The following PDE4D variants were observed in gnomAD, a reference collection of about 807,000 sequenced individuals.
The protein encoded by PDE4D is 3',5'-cyclic-AMP phosphodiesterase 4D.
Under a neutral mutation model 87.4 loss-of-function variants are expected in PDE4D, and 24 were observed. That is an observed-to-expected ratio of 0.27 (90% CI 0.20 to 0.39). The LOEUF is 0.39. PDE4D is among the 10% of genes least tolerant of loss of function. The pLI is 1.00. For synonymous variants in PDE4D, 384 were observed against 383.2 expected (o/e 1.00, Z -0.02); for missense variants, 714 against 1,041.0 (o/e 0.69, Z 4.32).
At chr5:59,344,055 T>G (rs979875380) in intron 1 of PDE4D, among the ~76,000 whole-genome samples, 1 of 152,184 alleles carries the variant, frequency 6.6e-6, no homozygotes, top group African/African-American at 2.4e-5. Context: ...ACACAGTACA[T>G]AGCACATAAA....
At chr5:59,216,104 A>G in intron 1 of PDE4D, 136 bp from the exon 2 acceptor site, 1 of 625,916 alleles carries the variant, frequency 1.6e-6, no homozygotes, top group Non-Finnish European at 2.8e-6. Context: ...CTGCCATAAA[A>G]ATATGATAAT....
At chr5:59,658,341 G>C (rs1744706708) in intron 1 of PDE4D, among the ~76,000 whole-genome samples, 1 of 151,796 alleles carries the variant, frequency 6.6e-6, no homozygotes, top group Non-Finnish European at 1.5e-5. Context: ...CTCAAGTCTG[G>C]AAACTCTATT....
intron 1 of PDE4D, among the ~76,000 whole-genome samples, chr5:59,794,946 G>T (rs912622183): frequency 6.6e-6 from 1 of 152,144 alleles, no homozygotes; most frequent in Non-Finnish European, 1.5e-5. Context: ...GAGAGAAGCT[G>T]CCTGAGTTCA....
chr5:59,859,933 A>G (rs866349444), intron 1 of PDE4D, among the ~76,000 whole-genome samples: 3 of 152,184 alleles, frequency 2.0e-5, no homozygotes, highest in South Asian at 4.1e-4. Context: ...GTGTGCAGGG[A>G]TTGTAGTTGG....
chr5:59,276,222 G>T, intron 1 of PDE4D: 1 of 785,340 alleles, frequency 1.3e-6, no homozygotes, highest in Non-Finnish European at 1.5e-6. Flanking sequence ...CCAGAGACCA[G>T]CACTGTAAAC....
At chr5:59,284,374 G>A (rs1766454453) in intron 1 of PDE4D, among the ~76,000 whole-genome samples, 1 of 152,026 alleles carries the variant, frequency 6.6e-6, no homozygotes, top group Non-Finnish European at 1.5e-5. Context: ...TAGAAACCTG[G>A]GCCTCCATAA....
Position 60,337,351 on chromosome 5 carries a change from CTATATATATATATATATATATA to C in PDE4D, c.-90+150569_-90+150590del, listed in dbSNP as rs748923956. Among the ~76,000 whole-genome samples the C allele has an allele frequency of 5.9e-4, 37 of 62,230 alleles. 4 individuals are homozygous for C. In the Admixed American group the frequency reaches 7.2e-3, roughly 12 times the overall value. The allele number at this position is 62,230 out of a possible 152,430, so 40.8% of individuals were successfully genotyped here. ...TTGTCTCAAAAAACAAACAAACAAA[CTATATATATATATATATATATA>C]TATATATATATATATACACACACAC... On this transcript the variant is annotated intron_variant, in intron 1 of 16. Transcript: ENST00000502484.
intron 1 of PDE4D, among the ~76,000 whole-genome samples, chr5:59,236,828 AG>A (rs1391031089): frequency 6.6e-6 from 1 of 152,156 alleles, no homozygotes; most frequent in African/African-American, 2.4e-5. Context: ...AAAGAAAGGC[AG>A]GAAGAAAGGA....
intron 1 of PDE4D, among the ~76,000 whole-genome samples, chr5:60,291,610 C>T (rs940543370): frequency 6.6e-6 from 1 of 151,628 alleles, no homozygotes; most frequent in Non-Finnish European, 1.5e-5. Context: ...CCTGAAAAGA[C>T]AGGTTTTTAA....
intron 2 of PDE4D, among the ~76,000 whole-genome samples, chr5:60,093,045 TTGAA>T (rs1317357218): frequency 6.6e-6 from 1 of 150,902 alleles, no homozygotes; most frequent in Non-Finnish European, 1.5e-5. Flanking sequence ...ATCTGATAGA[TTGAA>T]TGTGTCCCAG....
intron 2 of PDE4D, among the ~76,000 whole-genome samples, chr5:60,098,160 A>G (rs1017648566): frequency 6.6e-6 from 1 of 151,944 alleles, no homozygotes; most frequent in Non-Finnish European, 1.5e-5. Context: ...AACTGTCAAC[A>G]CACAGCCTGG....
At chr5:59,787,259 G>A (rs913731918) in intron 1 of PDE4D, among the ~76,000 whole-genome samples, 6 of 152,160 alleles carry the variant, frequency 3.9e-5, no homozygotes, top group African/African-American at 9.7e-5. Context: ...CTGTAACTTC[G>A]TCTCAGGGGA....
chr5:59,998,923 G>A (rs892651947), intron 2 of PDE4D, among the ~76,000 whole-genome samples: 3 of 152,094 alleles, frequency 2.0e-5, no homozygotes, highest in African/African-American at 7.2e-5. Flanking sequence ...GACTATGTAC[G>A]TGTGAGATGA....
Position 59,975,051 on chromosome 5 carries a change from A to G in PDE4D, c.272+13437T>C, listed in dbSNP as rs1462245245. On this transcript the variant is annotated intron_variant, in intron 3 of 16. Coordinates refer to the PDE4D transcript ENST00000502484. ...AGATGAAATGGGTGCTCTCCTGGTT[A>G]CTCACTTTTACTTACTCCTCCACCT... is the stretch of plus-strand genomic sequence containing the variant. Among the ~76,000 whole-genome samples the G allele has an allele frequency of 5.3e-5, 8 of 152,050 alleles. No individual in the cohort carries two copies. The East Asian group carries it at 1.5e-3, about 29-fold the overall frequency.
At chr5:60,408,093 A>G (rs1279291606) in intron 1 of PDE4D, among the ~76,000 whole-genome samples, 1 of 152,144 alleles carries the variant, frequency 6.6e-6, no homozygotes, top group Non-Finnish European at 1.5e-5. Context: ...CCTGATCACC[A>G]GACATGTGAG....
intron 1 of PDE4D, among the ~76,000 whole-genome samples, chr5:59,865,422 T>C (rs1240269845): frequency 6.6e-6 from 1 of 152,186 alleles, no homozygotes. Context: ...ACTGATTAAC[T>C]GAAAAACAGA....
chr5:59,667,238 TG>T (rs1458078219), intron 1 of PDE4D, among the ~76,000 whole-genome samples: 1 of 152,152 alleles, frequency 6.6e-6, no homozygotes, highest in African/African-American at 2.4e-5. Context: ...AATTTTTTTT[TG>T]GGGGGGAGGT....
At chr5:59,077,233 A>C (rs1210910330) in intron 5 of PDE4D, among the ~76,000 whole-genome samples, 1 of 152,154 alleles carries the variant, frequency 6.6e-6, no homozygotes, top group African/African-American at 2.4e-5. Context: ...TTAACAACAA[A>C]ATAACAAATA....
intron 1 of PDE4D, among the ~76,000 whole-genome samples, chr5:59,229,285 G>C (rs1286463085): frequency 2.0e-5 from 3 of 152,028 alleles, no homozygotes; most frequent in Admixed American, 1.3e-4. Flanking sequence ...TTCTATACCG[G>C]TTATCATTTA....
Sources: allele counts gnomAD v4.1 joint callset (sites outside exome capture counted in the v4.1 genomes callset), GRCh38; gene constraint gnomAD v4.1.1; transcripts MANE v1.5; gene names NCBI Gene and HGNC (gene_info 2026-07-23, HGNC 2026-07-21).